Variants in HS1BP3 observed in about 807,000 individuals in gnomAD.
The protein encoded by HS1BP3 is HCLS1 binding protein 3.
In HS1BP3, 32 loss-of-function variants were observed where a neutral mutation model predicts 33.5. The observed-to-expected ratio is 0.95, with a 90% CI of 0.72 to 1.28. HS1BP3 has a LOEUF of 1.28. HS1BP3 is among the 50% of genes most tolerant of loss of function. The pLI is 0.00. For missense variants in HS1BP3, 486 were observed against 502.3 expected (o/e 0.97, Z 0.31); for synonymous variants, 187 against 209.2 (o/e 0.89, Z 0.92).
chr2:20,591,778 G>A (rs1403770323), downstream of HS1BP3, among the ~76,000 whole-genome samples: 2 of 152,156 alleles, frequency 1.3e-5, no homozygotes, highest in African/African-American at 4.8e-5. Context: ...TGGCCAGGCT[G>A]GACTTGAATT....
chr2:20,605,333 C>T (rs1405630532), intron 2 of HS1BP3, among the ~76,000 whole-genome samples: 1 of 152,212 alleles, frequency 6.6e-6, no homozygotes, highest in African/African-American at 2.4e-5. Flanking sequence ...CACCCTCACC[C>T]CTCATCATCG....
chr2:20,615,810 G>A (rs534278510), downstream of HS1BP3, among the ~76,000 whole-genome samples: 243 of 152,330 alleles, frequency 1.6e-3, no homozygotes, highest in Non-Finnish European at 2.2e-3. Flanking sequence ...TTGCTGTCTC[G>A]TCTGTACCTT....
At position 20,634,360 on chromosome 2, in the gene HS1BP3, AG is replaced by A. The variant is rs1490135202; in HGVS notation, c.623+4075del. Among the ~76,000 whole-genome samples the A allele has an allele frequency of 2.6e-5, 4 of 152,344 alleles. No homozygotes were observed. In the East Asian group the frequency reaches 7.7e-4, roughly 29 times the overall value. Reference sequence around the variant, plus strand: ...ATTCTGGGGGCCCTACCCAGATCTGAGGGGGGCCTGGAATCTCTATCTCTGC... The same window carrying A: ...ATTCTGGGGGCCCTACCCAGATCTGAGGGGGCCTGGAATCTCTATCTCTGC... On this transcript the variant is annotated intron_variant, in intron 4 of 6. Coordinates refer to ENST00000304031, the MANE Select transcript of HS1BP3 (RefSeq NM_022460.4).
intron 3 of HS1BP3, 178 bp downstream of exon 3, chr2:20,640,795 A>G: frequency 1.5e-6 from 1 of 648,782 alleles, no homozygotes; most frequent in Non-Finnish European, 2.8e-6. Context: ...CCTCAAGGGT[A>G]GGCCTCCTTC....
chr2:20,619,666 T>G (rs1384987638), intron 6 of HS1BP3, among the ~76,000 whole-genome samples: 1 of 152,194 alleles, frequency 6.6e-6, no homozygotes, highest in Non-Finnish European at 1.5e-5. Context: ...AAAACGCCAC[T>G]CTGGGGAGGC....
chr2:20,612,480 G>A (rs1694336886), intron 2 of HS1BP3, among the ~76,000 whole-genome samples: 1 of 152,162 alleles, frequency 6.6e-6, no homozygotes. Flanking sequence ...GTCACTGTTA[G>A]TTCCAACCTC....
At chr2:20,629,921 C>T (rs969424439) in intron 4 of HS1BP3, among the ~76,000 whole-genome samples, 2 of 152,256 alleles carry the variant, frequency 1.3e-5, no homozygotes, top group African/African-American at 4.8e-5. Flanking sequence ...GTGATTGACA[C>T]ATAAGAGCAT....
chr2:20,555,275 A>T, the HS1BP3 span, among the ~76,000 whole-genome samples: 1 of 152,226 alleles, frequency 6.6e-6, no homozygotes, highest in Admixed American at 6.5e-5. Context: ...ACGGCTTAAG[A>T]GGCCAGGTGG....
intron 5 of HS1BP3, among the ~76,000 whole-genome samples, chr2:20,584,761 T>C (rs188538496): frequency 2.0e-5 from 3 of 152,214 alleles, no homozygotes; most frequent in African/African-American, 7.2e-5. Flanking sequence ...TTTATGCTCA[T>C]GGGGCTGGAG....
intron 3 of HS1BP3, chr2:20,640,644 G>A: frequency 1.9e-6 from 1 of 520,834 alleles, no homozygotes; most frequent in East Asian, 2.9e-5. Flanking sequence ...TGTGTGTCAG[G>A]GGGTTGTATG....
At chr2:20,565,275 C>T (rs1303565528) in intron 5 of HS1BP3, among the ~76,000 whole-genome samples, 1 of 152,214 alleles carries the variant, frequency 6.6e-6, no homozygotes, top group African/African-American at 2.4e-5. Flanking sequence ...CACACTCACC[C>T]AGGGCAGCAG....
chr2:20,622,687 A>G (rs1694643318), intron 6 of HS1BP3: 1 of 227,834 alleles, frequency 4.4e-6, no homozygotes, highest in South Asian at 6.1e-5. Flanking sequence ...ACTGGGACAC[A>G]TGGACTCCTA....
At chr2:20,604,222 C>T (rs955965958) in intron 2 of HS1BP3, among the ~76,000 whole-genome samples, 6 of 152,164 alleles carry the variant, frequency 3.9e-5, no homozygotes, top group Non-Finnish European at 8.8e-5. Flanking sequence ...GTCCCTGTTC[C>T]CCATGGAGCC....
intron 5 of HS1BP3, 71 bp from the exon 6 acceptor site, chr2:20,624,102 G>A: frequency 6.5e-7 from 1 of 1,543,768 alleles, no homozygotes. Context: ...CTCTCTCTCT[G>A]CCCCACCCCA....
At chr2:20,594,882 T>G (rs770957710) in intron 3 of HS1BP3, among the ~76,000 whole-genome samples, 4 of 152,098 alleles carry the variant, frequency 2.6e-5, no homozygotes, top group African/African-American at 4.8e-5. Context: ...CAGGTCTCTT[T>G]TATAAGGGCA....
intron 5 of HS1BP3, among the ~76,000 whole-genome samples, chr2:20,563,022 G>A (rs1693039046): frequency 6.6e-6 from 1 of 152,142 alleles, no homozygotes; most frequent in Admixed American, 6.5e-5. Flanking sequence ...GCTGATCTTC[G>A]TCAGCTGCAT....
chr2:20,627,158 C>A (rs1462026285), intron 4 of HS1BP3, among the ~76,000 whole-genome samples: 1 of 152,242 alleles, frequency 6.6e-6, no homozygotes, highest in East Asian at 1.9e-4. Flanking sequence ...CTGGCCCCAG[C>A]AGGCACTGCG....
At position 20,587,303 on chromosome 2, in the gene HS1BP3, GC is replaced by G. The variant is rs779326041; in HGVS notation, c.303-26789del. 3.9e-5 allele frequency among the ~76,000 whole-genome samples: 6 copies of G among 152,322 alleles called. No homozygotes were observed. In the East Asian group the frequency reaches 9.6e-4, roughly 24 times the overall value. On this transcript the variant is annotated intron_variant, in intron 5 of 5. Coordinates refer to the HS1BP3 transcript ENST00000446825. ...AAAAAGGAGGCTGCAAAGCGTACGA[GC>G]CCACTCTTAGGAAGCATGTATAGAG...
downstream of HS1BP3, among the ~76,000 whole-genome samples, chr2:20,613,806 G>A (rs185979258): frequency 6.6e-6 from 1 of 152,334 alleles, no homozygotes; most frequent in Non-Finnish European, 1.5e-5. Flanking sequence ...GGATGGCACA[G>A]GGGGCATGCC....
Sources: allele counts gnomAD v4.1 joint callset (sites outside exome capture counted in the v4.1 genomes callset), GRCh38; gene constraint gnomAD v4.1.1; transcripts MANE v1.5; gene names NCBI Gene and HGNC (gene_info 2026-07-23, HGNC 2026-07-21).